Variants in CD9 observed in about 807,000 individuals in gnomAD.
CD9 encodes the protein CD9 molecule, also known as CD9 antigen.
In CD9, 10 loss-of-function variants were observed where a neutral mutation model predicts 31.4. That is an observed-to-expected ratio of 0.32 (90% CI 0.20 to 0.54). The LOEUF (loss-of-function observed/expected upper bound fraction) is 0.54. CD9 is among the 20% of genes least tolerant of loss of function. CD9 has a pLI of 0.94. For synonymous variants in CD9, 113 were observed against 114.1 expected, an observed-to-expected ratio of 0.99 and a Z score of 0.06; for missense variants, 259 against 300.1, an observed-to-expected ratio of 0.86 and a Z score of 1.01.
intron 1 of CD9, among the ~76,000 whole-genome samples, chr12:6,203,434 G>A (rs1057230162): frequency 6.6e-6 from 1 of 152,180 alleles, no homozygotes; most frequent in African/African-American, 2.4e-5. Flanking sequence ...GAATTGTGAG[G>A]CCAGTGCCCA....
chr12:6,230,969 G>A (rs1311176854), intron 2 of CD9, among the ~76,000 whole-genome samples: 1 of 152,208 alleles, frequency 6.6e-6, no homozygotes, highest in Non-Finnish European at 1.5e-5. Context: ...CTCAGCTGCG[G>A]GCAGACTGCA....
In CD9 at chr12:6,232,895, G is replaced by A. The variant is rs778567958; in HGVS notation, c.273+166G>A. 63 of 703,934 alleles carry A rather than the reference G, an allele frequency of 8.9e-5. No individual in the cohort carries two copies. The highest frequency in any genetic ancestry group is 4.0e-4 in the African/African-American group (23 of 57,318). The allele number at this position is 703,934 out of a possible 1,614,324, so 43.6% of individuals were successfully genotyped here. A position where few individuals can be genotyped will look rare whatever the true frequency, so the allele number is the denominator to read the frequency against. On this transcript the variant is annotated intron_variant, in intron 3 of 7. Transcript: ENST00000009180. The surrounding 1 kb of genome is among the most constrained non-coding windows in gnomAD (Gnocchi z 4.8). Reference sequence around the variant, plus strand: ...GGGCCCCTCCCCGATGTGAGGCGTCGCCCCTCTTCCTTTCTGGAGCCTGTC... The same window carrying A: ...GGGCCCCTCCCCGATGTGAGGCGTCACCCCTCTTCCTTTCTGGAGCCTGTC...
chr12:6,208,635 G>A (rs957742504), intron 1 of CD9, among the ~76,000 whole-genome samples: 2 of 151,382 alleles, frequency 1.3e-5, no homozygotes, highest in Non-Finnish European at 2.9e-5. Flanking sequence ...GTAATGGTGC[G>A]ATCGCAGCTC....
intron 3 of CD9, chr12:6,233,054 C>T (rs906169069): frequency 1.6e-5 from 11 of 702,192 alleles, no homozygotes; most frequent in African/African-American, 1.4e-4. Flanking sequence ...TGGTCTTTTC[C>T]GAACTCCACG....
At chr12:6,200,289 C>T, upstream of CD9, 2 of 258,110 alleles carry the variant, frequency 7.7e-6, no homozygotes, top group Non-Finnish European at 6.8e-6. Context: ...GGGCGGGAGG[C>T]GTGGCCGGCG....
chr12:6,237,911 G>T lies in CD9; in HGVS notation c.*83G>T, dbSNP rs771715756. On this transcript the variant is annotated 3_prime_UTR_variant, in exon 8 of 8. Coordinates refer to ENST00000009180, the MANE Select transcript of CD9 (RefSeq NM_001769.4). ...GTTTGTTTGTTTTGTTTTGTTTGTT[G>T]TTTGTTGTTTGTTTTTTTGCCACTA... 1.7e-5 allele frequency: 18 copies of T among 1,062,966 alleles called. No homozygotes were observed. Among genetic ancestry groups the T allele is most frequent in the Non-Finnish European group, 2.6e-5 (18 of 697,682 alleles). The allele number at this position is 1,062,966 out of a possible 1,614,324, so 65.8% of individuals were successfully genotyped here. A position where few individuals can be genotyped will look rare whatever the true frequency, so the allele number is the denominator to read the frequency against.
In CD9 at chr12:6,220,687, AAGAG is replaced by A. The variant is rs577741743; in HGVS notation, c.67-4733_67-4730del. Among the ~76,000 whole-genome samples, 586 of 152,338 alleles carry A rather than the reference AAGAG, an allele frequency of 3.8e-3. 8 individuals are homozygous for A. The highest frequency in any genetic ancestry group is 0.013 in the African/African-American group (533 of 41,576). On this transcript the variant is annotated intron_variant, in intron 1 of 7. Coordinates refer to ENST00000009180, the MANE Select transcript of CD9 (RefSeq NM_001769.4). The stretch of plus-strand genomic sequence containing the variant: ...TCTTGAAGGAGACAGGAAGCTTTGA[AAGAG>A]AGAGACCCCTGCTTCTTTATTATTG...
At chr12:6,200,080 C>G (rs1946055007), upstream of CD9, 1 of 152,194 alleles carries the variant, frequency 6.6e-6, no homozygotes, top group Admixed American at 6.5e-5. Context: ...CACGTAAGTC[C>G]GCGGTAAAAG....
chr12:6,206,894 A>G (rs1024021926), intron 1 of CD9, among the ~76,000 whole-genome samples: 1 of 150,916 alleles, frequency 6.6e-6, no homozygotes, highest in African/African-American at 2.4e-5. Flanking sequence ...CTGGAGGCCC[A>G]TAGACATTTT....
rs774366702 is a variant in CD9 at position 6,200,474 on chromosome 12, C to T, written c.-26C>T. ...CGCGCCCCCCAGTCCCGCACCCGTT[C>T]GGCCCAGGCTAAGTTAGCCCTCACC... On this transcript the variant is annotated 5_prime_UTR_variant, in exon 1 of 8. Coordinates refer to ENST00000009180, the MANE Select transcript of CD9 (RefSeq NM_001769.4). 1.5e-5 allele frequency: 23 copies of T among 1,574,992 alleles called. No homozygotes were observed. The highest frequency in any genetic ancestry group is 2.0e-5 in the Non-Finnish European group (23 of 1,145,646).
intron 2 of CD9, among the ~76,000 whole-genome samples, chr12:6,229,629 G>T (rs1031757206): frequency 6.6e-6 from 1 of 152,122 alleles, no homozygotes; most frequent in Non-Finnish European, 1.5e-5. Flanking sequence ...AGGCCCTACC[G>T]GATTTTGTTC....
At position 6,214,505 on chromosome 12, in the gene CD9, C is replaced by T. The variant is rs183059748; in HGVS notation, c.67-10921C>T. Among the ~76,000 whole-genome samples the T allele has an allele frequency of 2.0e-5, 3 of 151,910 alleles. No homozygotes were observed. The East Asian group carries it at 5.8e-4, about 29-fold the overall frequency. On this transcript the variant is annotated intron_variant, in intron 1 of 7. Coordinates refer to ENST00000009180, the MANE Select transcript of CD9 (RefSeq NM_001769.4). ...GGAACTACAGGCGTGTGCCACCATTCCCAGCTAAGTTTTTGTATTTTTTAG... is the reference window on the plus strand; with the variant it reads ...GGAACTACAGGCGTGTGCCACCATTTCCAGCTAAGTTTTTGTATTTTTTAG...
rs1323659700 is a variant in CD9 at position 6,208,236 on chromosome 12, A to AG, written c.66+7671_66+7672insG. Among the ~76,000 whole-genome samples, 170 of 151,946 alleles carry AG rather than the reference A, an allele frequency of 1.1e-3. 4 individuals are homozygous for AG. The East Asian group carries it at 0.031, about 28-fold the overall frequency. ...TGAAACTCCATCTCAAAAAAAAAAAAAAAAGAAAAGAAAAGTAACCCTTCA... is the reference window on the plus strand; with the variant it reads ...TGAAACTCCATCTCAAAAAAAAAAAAGAAAAGAAAAGAAAAGTAACCCTTCA... On this transcript the variant is annotated intron_variant, in intron 1 of 7. Transcript: ENST00000009180.
intron 1 of CD9, among the ~76,000 whole-genome samples, chr12:6,220,197 G>A (rs1273634602): frequency 6.6e-6 from 1 of 152,200 alleles, no homozygotes; most frequent in Non-Finnish European, 1.5e-5. Flanking sequence ...GAGGAAATGG[G>A]TGGGGAAGCA....
intron 1 of CD9, among the ~76,000 whole-genome samples, chr12:6,223,932 C>T (rs1946327878): frequency 6.6e-6 from 1 of 152,220 alleles, no homozygotes; most frequent in Non-Finnish European, 1.5e-5. Flanking sequence ...TCAGAACTCT[C>T]AAGTTCATTT....
intron 1 of CD9, among the ~76,000 whole-genome samples, chr12:6,201,618 C>G (rs1218875216): frequency 6.6e-6 from 1 of 152,268 alleles, no homozygotes; most frequent in African/African-American, 2.4e-5. Context: ...GTCCTTGTTT[C>G]TATAGCCACA....
At chr12:6,219,226 A>C (rs563191450) in intron 1 of CD9, among the ~76,000 whole-genome samples, 1 of 151,400 alleles carries the variant, frequency 6.6e-6, no homozygotes, top group East Asian at 2.0e-4. Context: ...GGCTGGTCTC[A>C]AACTCCTGAC....
chr12:6,234,051 T>G (rs1946485278), intron 4 of CD9, among the ~76,000 whole-genome samples: 1 of 149,968 alleles, frequency 6.7e-6, no homozygotes, highest in Non-Finnish European at 1.5e-5. Context: ...TTTGAAAAGG[T>G]GGGGCTGGGA....
Position 6,214,470 on chromosome 12 carries a change from C to T in CD9, c.67-10956C>T, listed in dbSNP as rs1372796733. On this transcript the variant is annotated intron_variant, in intron 1 of 7. Transcript: ENST00000009180. ...TAAGCCATCCTCCTTCCTCAGCCCCCCAAGTAGCTGGAACTACAGGCGTGT... is the reference window on the plus strand; with the variant it reads ...TAAGCCATCCTCCTTCCTCAGCCCCTCAAGTAGCTGGAACTACAGGCGTGT... 2.0e-5 allele frequency among the ~76,000 whole-genome samples: 3 copies of T among 150,876 alleles called. No homozygotes were observed. The Admixed American group carries it at 2.0e-4, about 10-fold the overall frequency.
Sources: allele counts gnomAD v4.1 joint callset (sites outside exome capture counted in the v4.1 genomes callset), GRCh38; gene constraint gnomAD v4.1.1; non-coding constraint Gnocchi (gnomAD v3.1); transcripts MANE v1.5; gene names NCBI Gene and HGNC (gene_info 2026-07-23, HGNC 2026-07-21).